IFRD1: variants seen among roughly 807,000 people sequenced by gnomAD.
IFRD1 encodes the protein interferon related developmental regulator 1, also known as interferon-related developmental regulator 1.
IFRD1 carries 35 observed loss-of-function variants against 52.9 expected under a neutral mutation model. The observed-to-expected ratio is 0.66, with a 90% CI of 0.51 to 0.88. The LOEUF is 0.88. Ranked by LOEUF, IFRD1 falls within the 40% of genes least tolerant of loss-of-function variation. IFRD1 has a pLI of 0.00. For missense variants in IFRD1, 517 were observed against 550.8 expected (o/e 0.94, Z 0.61); for synonymous variants, 184 against 188.4 (o/e 0.98, Z 0.19).
intron 1 of IFRD1, among the ~76,000 whole-genome samples, chr7:112,438,232 T>TA (rs763479705): frequency 3.3e-4 from 50 of 152,148 alleles, no homozygotes; most frequent in East Asian, 5.8e-4. Context: ...ACTGATTTCA[T>TA]AAAAAAAGGG....
At chr7:112,472,423 T>C in intron 10 of IFRD1, 76 bp downstream of exon 10, 1 of 1,507,586 alleles carries the variant, frequency 6.6e-7, no homozygotes, top group East Asian at 2.3e-5. Context: ...AATTGGCTTT[T>C]GAAATTAATT....
At chr7:112,460,451 C>T (rs1463441157) in intron 5 of IFRD1, among the ~76,000 whole-genome samples, 1 of 151,926 alleles carries the variant, frequency 6.6e-6, no homozygotes, top group Non-Finnish European at 1.5e-5. Context: ...CTGTATTGCC[C>T]AGGCTGGCCT....
At chr7:112,457,202 G>C (rs1795316932) in intron 4 of IFRD1, 164 bp downstream of exon 4, 7 of 730,580 alleles carry the variant, frequency 9.6e-6, no homozygotes, top group Non-Finnish European at 1.6e-5. Flanking sequence ...AGACTTGTTA[G>C]AACTTTGTTT....
At chr7:112,471,829 C>T (rs1173747942) in intron 9 of IFRD1, among the ~76,000 whole-genome samples, 1 of 152,088 alleles carries the variant, frequency 6.6e-6, no homozygotes, top group African/African-American at 2.4e-5. Flanking sequence ...TACTGCCCAT[C>T]ATTTCACCCC....
At position 112,463,853 on chromosome 7, in the gene IFRD1, T is replaced by TACAC. The variant is rs72284919; in HGVS notation, c.906+1514_906+1517dup. ...ATATACATATATATACACATTTATATACACACACACACACACACACACACA... is the reference window on the plus strand; with the variant it reads ...ATATACATATATATACACATTTATATACACACACACACACACACACACACACACA... On this transcript the variant is annotated intron_variant, in intron 8 of 11. Coordinates refer to ENST00000403825, the MANE Select transcript of IFRD1 (RefSeq NM_001550.4). 3.0e-3 allele frequency among the ~76,000 whole-genome samples: 132 copies of TACAC among 43,438 alleles called. 1 individual carries two copies. The highest frequency in any genetic ancestry group is 0.012 in the Admixed American group (80 of 6,724). The allele number at this position is 43,438 out of a possible 152,430, so 28.5% of individuals were successfully genotyped here.
chr7:112,446,906 A>G (rs115186929), upstream of IFRD1, among the ~76,000 whole-genome samples: 86 of 152,240 alleles, frequency 5.6e-4, no homozygotes, highest in African/African-American at 1.7e-3. Flanking sequence ...AGAGTTTGAT[A>G]TGGCATTAGG....
chr7:112,457,356 C>T, intron 4 of IFRD1: 1 of 481,452 alleles, frequency 2.1e-6, no homozygotes, highest in Non-Finnish European at 3.7e-6. Flanking sequence ...AGACATCTAG[C>T]TCATTTTCCC....
upstream of IFRD1, chr7:112,450,423 G>T: frequency 1.9e-6 from 1 of 517,710 alleles, no homozygotes; most frequent in South Asian, 2.0e-5. Context: ...TCAGGTGGCG[G>T]TATTGCTACT....
chr7:112,455,387 A>G (rs1795264831), intron 1 of IFRD1, among the ~76,000 whole-genome samples: 1 of 152,114 alleles, frequency 6.6e-6, no homozygotes, highest in African/African-American at 2.4e-5. Context: ...CAGGAGGCCG[A>G]GGCAGGAGAA....
At chr7:112,450,998 G>C (rs1563263955) in intron 1 of IFRD1, 1 of 584,662 alleles carries the variant, frequency 1.7e-6, no homozygotes, top group Non-Finnish European at 3.1e-6. Context: ...CTTGGGCACC[G>C]GCCGTGGGGG....
At chr7:112,448,731 A>G (rs1434819501), upstream of IFRD1, among the ~76,000 whole-genome samples, 1 of 152,248 alleles carries the variant, frequency 6.6e-6, no homozygotes, top group Non-Finnish European at 1.5e-5. Context: ...AAGTGCCATT[A>G]GGGCATTATT....
chr7:112,438,272 A>G (rs1034966450), intron 1 of IFRD1, among the ~76,000 whole-genome samples: 3 of 152,234 alleles, frequency 2.0e-5, no homozygotes, highest in African/African-American at 4.8e-5. Context: ...AAGTAATAAC[A>G]GCACAAGAAA....
chr7:112,428,658 T>C (rs2117222393), intron 1 of IFRD1, among the ~76,000 whole-genome samples: 1 of 152,298 alleles, frequency 6.6e-6, no homozygotes, highest in South Asian at 2.1e-4. Flanking sequence ...TTATCGAAGG[T>C]AAGGAAGCTT....
intron 11 of IFRD1, 82 bp from the exon 12 acceptor site, chr7:112,475,348 C>G: frequency 1.3e-6 from 1 of 776,188 alleles, no homozygotes; most frequent in Non-Finnish European, 2.2e-6. Context: ...CATTTCTTTT[C>G]TTTGTGACTT....
intron 6 of IFRD1, 25 bp from the exon 7 acceptor site, chr7:112,461,976 C>T (rs1360819757): frequency 6.2e-7 from 1 of 1,603,944 alleles, no homozygotes; most frequent in Admixed American, 1.7e-5. Flanking sequence ...AGATGGTTAT[C>T]TTACTTCATA....
chr7:112,439,860 C>G (rs1350353487), intron 1 of IFRD1, among the ~76,000 whole-genome samples: 1 of 152,180 alleles, frequency 6.6e-6, no homozygotes, highest in African/African-American at 2.4e-5. Flanking sequence ...CAGCCTTCCC[C>G]TGAAGCACAT....
intron 9 of IFRD1, among the ~76,000 whole-genome samples, chr7:112,469,695 G>A (rs1001580716): frequency 1.3e-5 from 2 of 152,038 alleles, no homozygotes; most frequent in African/African-American, 4.8e-5. Flanking sequence ...CCCTCAAACC[G>A]GGCCAGCCAT....
chr7:112,456,210 C>T, intron 3 of IFRD1, 124 bp downstream of exon 3: 1 of 724,784 alleles, frequency 1.4e-6, no homozygotes, highest in Non-Finnish European at 2.5e-6. Context: ...TTGTGCAGCT[C>T]TCAGATAATA....
upstream of IFRD1, among the ~76,000 whole-genome samples, chr7:112,445,904 A>G (rs1413101802): frequency 1.3e-5 from 2 of 152,240 alleles, no homozygotes; most frequent in African/African-American, 4.8e-5. Context: ...ATATTAAAAA[A>G]AAAGAAGTAA....
Sources: gnomAD v4.1 joint callset for allele counts (sites outside exome capture counted in the v4.1 genomes callset) on GRCh38, gnomAD v4.1.1 for gene constraint, MANE v1.5 for transcripts, NCBI Gene and HGNC (gene_info 2026-07-23, HGNC 2026-07-21) for gene names.